GSKIP: variants seen among roughly 807,000 people sequenced by gnomAD.
The protein encoded by GSKIP is GSK3B interacting protein.
A neutral mutation model predicts 11.9 loss-of-function variants in GSKIP; 5 were observed. The ratio of observed to expected loss-of-function variants is 0.42; its 90% CI spans 0.22 to 0.89. The LOEUF is 0.89. Among genes scored for constraint, GSKIP ranks in the 40% least tolerant of loss-of-function variants. The pLI is 0.29. For synonymous variants in GSKIP, 70 were observed against 62.9 expected (o/e 1.11, Z -0.54); for missense variants, 150 against 166.6 (o/e 0.90, Z 0.55).
chr14:96,379,809 C>T (rs1173088668), intron 2 of GSKIP, 21 bp downstream of exon 2: 3 of 152,112 alleles, frequency 2.0e-5, no homozygotes, highest in Admixed American at 1.3e-4. Context: ...CAATGAATTA[C>T]ACTCTTGCTT....
In GSKIP at chr14:96,370,760, G is replaced by A. The variant is rs79309788; in HGVS notation, c.-103+7192G>A. Among the ~76,000 whole-genome samples the A allele has an allele frequency of 4.0e-3, 612 of 152,238 alleles. 7 individuals are homozygous for A. Among genetic ancestry groups the A allele is most frequent in the African/African-American group, 0.014 (563 of 41,532 alleles). Reference sequence around the variant, plus strand: ...GCAGCTGGAGGCCATTGCAAATGCCGGCACTGTGCTTTGTGTACAGCCTGT... The same window carrying A: ...GCAGCTGGAGGCCATTGCAAATGCCAGCACTGTGCTTTGTGTACAGCCTGT... On this transcript the variant is annotated intron_variant, in intron 1 of 3. Coordinates refer to ENST00000555181, the MANE Select transcript of GSKIP (RefSeq NM_016472.5).
chr14:96,377,088 TCA>T (rs1889223116), intron 1 of GSKIP, among the ~76,000 whole-genome samples: 1 of 152,222 alleles, frequency 6.6e-6, no homozygotes, highest in South Asian at 2.1e-4. Context: ...CTGCAAGTTT[TCA>T]CAGAGGTCTA....
chr14:96,380,575 T>G (rs556495089), intron 2 of GSKIP, among the ~76,000 whole-genome samples: 45 of 152,340 alleles, frequency 3.0e-4, no homozygotes, highest in African/African-American at 1.0e-3. Flanking sequence ...TAAAGGATTT[T>G]GAATGTCACT....
intron 1 of GSKIP, among the ~76,000 whole-genome samples, chr14:96,367,094 T>C (rs986194893): frequency 6.6e-6 from 1 of 152,218 alleles, no homozygotes; most frequent in African/African-American, 2.4e-5. Context: ...GGCTTTCTTC[T>C]TGAAAGATAG....
At chr14:96,385,355 G>A (rs1595353827) in intron 3 of GSKIP, among the ~76,000 whole-genome samples, 168 bp from the exon 4 acceptor site, 1 of 152,282 alleles carries the variant, frequency 6.6e-6, no homozygotes, top group East Asian at 1.9e-4. Context: ...TGTATACTCT[G>A]ACTTTGAGAA....
intron 1 of GSKIP, among the ~76,000 whole-genome samples, chr14:96,372,072 G>A (rs887793550): frequency 6.6e-6 from 1 of 152,154 alleles, no homozygotes; most frequent in African/African-American, 2.4e-5. Flanking sequence ...CCAAACATTT[G>A]TGTACTTTTT....
intron 2 of GSKIP, among the ~76,000 whole-genome samples, chr14:96,381,514 A>C (rs1889343148): frequency 1.3e-5 from 2 of 152,368 alleles, no homozygotes; most frequent in Non-Finnish European, 1.5e-5. Context: ...ACCCCAATCC[A>C]GAAGTCATAA....
chr14:96,374,515 G>A (rs1351412878), intron 1 of GSKIP, among the ~76,000 whole-genome samples: 1 of 152,154 alleles, frequency 6.6e-6, no homozygotes, highest in Non-Finnish European at 1.5e-5. Context: ...AGCAAGGTGT[G>A]ATAGTCGAGA....
chr14:96,371,537 C>A (rs567130990), intron 1 of GSKIP, among the ~76,000 whole-genome samples: 1 of 150,350 alleles, frequency 6.7e-6, no homozygotes, highest in Non-Finnish European at 1.5e-5. Context: ...CTCTGCCTCT[C>A]GGGTTCAAGA....
At chr14:96,384,825 A>G (rs949729190) in intron 3 of GSKIP, 2 of 152,152 alleles carry the variant, frequency 1.3e-5, no homozygotes, top group Non-Finnish European at 2.9e-5. Flanking sequence ...ACCAAGAAAA[A>G]AAAAACACAT....
chr14:96,371,372 T>C (rs1191714000), intron 1 of GSKIP, among the ~76,000 whole-genome samples: 4 of 152,150 alleles, frequency 2.6e-5, no homozygotes, highest in African/African-American at 4.8e-5. Context: ...TTTTTTCTTA[T>C]TGAAAACATA....
At chr14:96,366,052 G>A (rs988575686) in intron 1 of GSKIP, among the ~76,000 whole-genome samples, 1 of 151,996 alleles carries the variant, frequency 6.6e-6, no homozygotes, top group African/African-American at 2.4e-5. Flanking sequence ...AAGCGGTAGC[G>A]GTGAAAATGA....
rs1352086785 is a variant in GSKIP, at chr14:96,382,407, T to C, written c.160T>C (p.Ser54Pro). Residue 54 changes from serine (S) to proline (P), a missense_variant, in exon 3 of 4, where the codon TCG (serine) becomes CCG (proline). Coordinates refer to ENST00000555181, the MANE Select transcript of GSKIP (RefSeq NM_016472.5). ...VLFAVNNMFVSKSLRCADDVA... is the reference protein window; with the variant it reads ...VLFAVNNMFVPKSLRCADDVA... ...CTTTGCTGTTAACAACATGTTTGTC[T>C]CGAAAAGCCTGCGGTGTGCGGATGA... 1 of 1,613,898 alleles carries C rather than the reference T, an allele frequency of 6.2e-7. No individual in the cohort carries two copies. Among genetic ancestry groups the C allele is most frequent in the East Asian group, 2.2e-5 (1 of 44,874 alleles).
chr14:96,379,178 T>A (rs1026923446), intron 1 of GSKIP: 3 of 151,726 alleles, frequency 2.0e-5, no homozygotes, highest in Non-Finnish European at 4.4e-5. Flanking sequence ...ATTAGCCGGG[T>A]CTGTAATCCC....
chr14:96,376,373 C>G (rs1889203946), intron 1 of GSKIP, among the ~76,000 whole-genome samples: 1 of 152,164 alleles, frequency 6.6e-6, no homozygotes, highest in African/African-American at 2.4e-5. Flanking sequence ...TCACAACTCT[C>G]AAGACCTTTT....
At chr14:96,384,425 A>C (rs1452617340) in intron 3 of GSKIP, among the ~76,000 whole-genome samples, 1 of 152,148 alleles carries the variant, frequency 6.6e-6, no homozygotes, top group Non-Finnish European at 1.5e-5. Flanking sequence ...TCTATTTCTA[A>C]CACAAACTTT....
intron 1 of GSKIP, 198 bp downstream of exon 1, chr14:96,363,766 T>C (rs994580164): frequency 6.6e-6 from 1 of 152,258 alleles, no homozygotes; most frequent in Non-Finnish European, 1.5e-5. Context: ...CCGGCCTGGC[T>C]CTCCCGGCTC....
At chr14:96,372,458 T>G (rs1889073473) in intron 1 of GSKIP, among the ~76,000 whole-genome samples, 1 of 152,234 alleles carries the variant, frequency 6.6e-6, no homozygotes, top group Admixed American at 6.5e-5. Flanking sequence ...TACACAATCC[T>G]GAAATAGGTT....
At chr14:96,371,556 C>T (rs969656538) in intron 1 of GSKIP, among the ~76,000 whole-genome samples, 2 of 151,636 alleles carry the variant, frequency 1.3e-5, no homozygotes, top group Non-Finnish European at 2.9e-5. Context: ...GAGATTCTCC[C>T]GCCTCAGCCT....
Sources: gnomAD v4.1 joint callset for allele counts (sites outside exome capture counted in the v4.1 genomes callset) on GRCh38, gnomAD v4.1.1 for gene constraint, MANE v1.5 for transcripts, NCBI Gene and HGNC (gene_info 2026-07-23, HGNC 2026-07-21) for gene names.